Variants in RXRG observed in about 807,000 individuals in gnomAD.
RXRG encodes the protein retinoic acid receptor RXR-gamma.
A neutral mutation model predicts 49.2 loss-of-function variants in RXRG; 19 were observed. That is an observed-to-expected ratio of 0.39 (90% CI 0.27 to 0.57). The LOEUF is 0.57. Ranked by LOEUF, RXRG falls within the 20% of genes least tolerant of loss-of-function variation. The pLI is 0.64. For synonymous variants in RXRG, 224 were observed against 216.6 expected (o/e 1.03, Z -0.30); for missense variants, 452 against 592.5 (o/e 0.76, Z 2.46).
At chr1:165,415,911 C>T (rs1367404615) in intron 4 of RXRG, among the ~76,000 whole-genome samples, 6 of 152,170 alleles carry the variant, frequency 3.9e-5, no homozygotes, top group African/African-American at 4.8e-5. Flanking sequence ...CATTAACTGC[C>T]TTTGGCACCT....
At chr1:165,424,906 C>G in intron 2 of RXRG, 1 of 985,578 alleles carries the variant, frequency 1.0e-6, no homozygotes, top group Non-Finnish European at 1.2e-6. Flanking sequence ...CCAGTGTCAT[C>G]TCGTTAACCG....
At chr1:165,403,919 TAGC>T (rs1392677817) in intron 9 of RXRG, among the ~76,000 whole-genome samples, 1 of 152,256 alleles carries the variant, frequency 6.6e-6, no homozygotes, top group Non-Finnish European at 1.5e-5. Flanking sequence ...ACCCACAGGT[TAGC>T]AGCAAGGGGC....
At chr1:165,428,421 G>C (rs1658561036) in intron 2 of RXRG, among the ~76,000 whole-genome samples, 1 of 152,144 alleles carries the variant, frequency 6.6e-6, no homozygotes, top group South Asian at 2.1e-4. Flanking sequence ...AGAATAAAAG[G>C]GGTCCATTCT....
At chr1:165,430,937 AG>A (rs1424273413) in intron 1 of RXRG, among the ~76,000 whole-genome samples, 1 of 152,100 alleles carries the variant, frequency 6.6e-6, no homozygotes, top group Non-Finnish European at 1.5e-5. Context: ...TCCTCCACAA[AG>A]CTTTTCCTGG....
chr1:165,433,812 G>A (rs3767356), intron 1 of RXRG, among the ~76,000 whole-genome samples: 10,180 of 152,284 alleles, frequency 0.067, 621 homozygotes, highest in East Asian at 0.33. Flanking sequence ...CCATCAACTG[G>A]ACCATGTTAG....
At position 165,401,399 on chromosome 1, in the gene RXRG, A is replaced by G; in HGVS notation, c.1256T>C (p.Leu419Pro). 1 of 1,614,124 alleles carries G rather than the reference A, an allele frequency of 6.2e-7. No individual in the cohort carries two copies. Among genetic ancestry groups the G allele is most frequent in the Non-Finnish European group, 8.5e-7 (1 of 1,180,038 alleles). Reference protein sequence around the residue: ...YPEQPGRFAKLLLRLPALRSI... With the variant: ...YPEQPGRFAKPLLRLPALRSI... ...ACGCAGAGCTGGGAGGCGCAGCAGC[A>G]GCTTGGCAAACCTGCAGGGAAGCCA... The change falls in exon 10 of 10, where the codon CTG becomes CCG. Residue 419 changes from leucine (L) to proline (P), a missense_variant. Physicochemically the swap from Leu to Pro is moderately conservative, Grantham distance 98. Around this residue, in one of 2 missense-constraint regions of RXRG, gnomAD observed 286 missense variants for 440.9 expected, o/e 0.65. Transcript: ENST00000359842.
intron 2 of RXRG, among the ~76,000 whole-genome samples, chr1:165,424,403 T>C (rs1304317056): frequency 1.3e-5 from 2 of 152,214 alleles, no homozygotes; most frequent in Admixed American, 1.3e-4. Context: ...TAATACCAAG[T>C]TACTGCTATA....
intron 1 of RXRG, among the ~76,000 whole-genome samples, chr1:165,435,935 C>T (rs1658808002): frequency 6.6e-6 from 1 of 152,178 alleles, no homozygotes; most frequent in Non-Finnish European, 1.5e-5. Flanking sequence ...AAAGCAGCCA[C>T]AATCAATGGG....
intron 5 of RXRG, 45 bp downstream of exon 5, chr1:165,410,904 C>A: frequency 6.2e-7 from 1 of 1,613,032 alleles, no homozygotes; most frequent in African/African-American, 1.3e-5. Flanking sequence ...CATTTCCAGC[C>A]CTACCCAAGA....
chr1:165,424,414 G>C (rs1658416510), intron 2 of RXRG, among the ~76,000 whole-genome samples: 1 of 152,198 alleles, frequency 6.6e-6, no homozygotes, highest in South Asian at 2.1e-4. Context: ...TACTGCTATA[G>C]AGCATCGCAC....
chr1:165,422,134 C>G (rs1188680976), intron 2 of RXRG, among the ~76,000 whole-genome samples: 1 of 152,176 alleles, frequency 6.6e-6, no homozygotes, highest in Non-Finnish European at 1.5e-5. Context: ...TCTCCTCCGA[C>G]CCTCAACTCC....
intron 1 of RXRG, among the ~76,000 whole-genome samples, chr1:165,443,047 C>G (rs1659053367): frequency 6.6e-6 from 1 of 152,178 alleles, no homozygotes; most frequent in Non-Finnish European, 1.5e-5. Context: ...TTCTTTTGAG[C>G]CTCAGTTTAC....
intron 1 of RXRG, among the ~76,000 whole-genome samples, chr1:165,441,104 C>T (rs1658970324): frequency 6.6e-6 from 1 of 152,186 alleles, no homozygotes; most frequent in Admixed American, 6.5e-5. Flanking sequence ...CCAACTCAAC[C>T]CCTTCTCTAT....
At chr1:165,413,504 C>T (rs1016228664) in intron 4 of RXRG, among the ~76,000 whole-genome samples, 5 of 152,108 alleles carry the variant, frequency 3.3e-5, no homozygotes, top group South Asian at 4.2e-4. Context: ...GGAGCCAGCA[C>T]ATGCACCCAC....
At chr1:165,403,758 AT>A (rs983129112) in intron 9 of RXRG, among the ~76,000 whole-genome samples, 1 of 152,340 alleles carries the variant, frequency 6.6e-6, no homozygotes, top group African/African-American at 2.4e-5. Context: ...ACTTTAAAAA[AT>A]TTTTTTAACT....
intron 1 of RXRG, among the ~76,000 whole-genome samples, chr1:165,430,209 C>T (rs1658626092): frequency 6.6e-6 from 1 of 152,140 alleles, no homozygotes; most frequent in Non-Finnish European, 1.5e-5. Flanking sequence ...AGACACCTTG[C>T]CAAGCAGATG....
intron 5 of RXRG, 39 bp from the exon 6 acceptor site, chr1:165,410,870 G>A (rs752733944): frequency 4.8e-5 from 78 of 1,613,728 alleles, no homozygotes; most frequent in East Asian, 2.2e-5. Context: ...ACAGGTCCCA[G>A]GACTCAAATA....
At chr1:165,432,515 A>G (rs1658701543) in intron 1 of RXRG, among the ~76,000 whole-genome samples, 1 of 152,164 alleles carries the variant, frequency 6.6e-6, no homozygotes, top group Non-Finnish European at 1.5e-5. Flanking sequence ...AAATTAATCT[A>G]TTCTCCCAAA....
chr1:165,401,248 T>C lies in RXRG; in HGVS notation c.*15A>G, dbSNP rs1286919607. 1 of 1,613,376 alleles carries C rather than the reference T, an allele frequency of 6.2e-7. No homozygotes were observed. The highest frequency in any genetic ancestry group is 8.5e-7 in the Non-Finnish European group (1 of 1,179,728). On this transcript the variant is annotated 3_prime_UTR_variant, in exon 10 of 10. Coordinates refer to ENST00000359842, the MANE Select transcript of RXRG (RefSeq NM_006917.5). ...CAGGGGTCATCCTGGGTGGGGAGGC[T>C]GTGGCTGGTGGGGCTCAGGTGATCT...
Sources: gnomAD v4.1 joint callset for allele counts (sites outside exome capture counted in the v4.1 genomes callset) on GRCh38, gnomAD v4.1.1 for gene constraint, gnomAD v4.1.1 regional missense constraint, MANE v1.5 for transcripts, NCBI Gene and HGNC (gene_info 2026-07-23, HGNC 2026-07-21) for gene names.